STPG2: variants seen among roughly 807,000 people sequenced by gnomAD.
The protein encoded by STPG2 is sperm tail PG-rich repeat containing 2.
A neutral mutation model predicts 54.2 loss-of-function variants in STPG2; 56 were observed. The observed-to-expected ratio is 1.03, with a 90% confidence interval of 0.83 to 1.29. STPG2 has a LOEUF of 1.29. Among genes scored for constraint, STPG2 ranks in the 50% most tolerant of loss-of-function variants. STPG2 has a pLI of 0.00. For missense variants in STPG2, 596 were observed against 544.9 expected, an observed-to-expected ratio of 1.09 and a Z score of -0.93; for synonymous variants, 200 against 181.8, an observed-to-expected ratio of 1.10 and a Z score of -0.81.
intron 10 of STPG2, among the ~76,000 whole-genome samples, chr4:97,582,011 A>T (rs1170297857): frequency 1.3e-5 from 2 of 151,924 alleles, no homozygotes; most frequent in African/African-American, 4.8e-5. Context: ...ATTTGGTCTT[A>T]TTATTTTATA....
chr4:97,463,770 A>T (rs1241616580), intron 4 of STPG2, among the ~76,000 whole-genome samples: 2 of 152,126 alleles, frequency 1.3e-5, no homozygotes, highest in Non-Finnish European at 2.9e-5. Flanking sequence ...TTATTATCTT[A>T]CATTAGTATA....
intron 3 of STPG2, among the ~76,000 whole-genome samples, chr4:98,123,365 C>G (rs147787469): frequency 6.6e-6 from 1 of 152,302 alleles, no homozygotes; most frequent in East Asian, 1.9e-4. Flanking sequence ...TTAGCTGCAT[C>G]TCAGAGATTC....
chr4:97,936,411 C>T (rs1018274987), intron 8 of STPG2, among the ~76,000 whole-genome samples: 1 of 152,266 alleles, frequency 6.6e-6, no homozygotes, highest in South Asian at 2.1e-4. Context: ...TAAATTCGAT[C>T]CTGTCATCAT....
rs112231943 is a variant in STPG2, at chr4:97,935,380, T to C, written c.1044+8517A>G. Among the ~76,000 whole-genome samples the C allele has an allele frequency of 5.7e-3, 862 of 152,314 alleles. 5 individuals carry two copies. Among genetic ancestry groups the C allele is most frequent in the Middle Eastern group, 0.02 (6 of 294 alleles). On this transcript the variant is annotated intron_variant, in intron 8 of 10. Transcript: ENST00000295268. ...AATAATTTTTCGCATCTCCATCTCC[T>C]TCAGTTCCAATCTGATCTTAGTTAT...
intron 8 of STPG2, among the ~76,000 whole-genome samples, chr4:97,863,644 A>G (rs915598824): frequency 6.6e-6 from 1 of 152,170 alleles, no homozygotes; most frequent in African/African-American, 2.4e-5. Flanking sequence ...AGACACAACA[A>G]AAAAAGAGAA....
chr4:97,776,445 C>T (rs935200019), intron 9 of STPG2, among the ~76,000 whole-genome samples: 2 of 152,234 alleles, frequency 1.3e-5, no homozygotes, highest in South Asian at 2.1e-4. Context: ...TTCATTGTCT[C>T]CTTTAACTTA....
At chr4:98,054,211 A>C (rs1056416439) in intron 5 of STPG2, among the ~76,000 whole-genome samples, 1 of 152,108 alleles carries the variant, frequency 6.6e-6, no homozygotes, top group Non-Finnish European at 1.5e-5. Context: ...CTTTCATGCA[A>C]AACAGCTGGT....
intron 4 of STPG2, among the ~76,000 whole-genome samples, chr4:97,551,093 G>A (rs995551050): frequency 1.3e-5 from 2 of 151,628 alleles, no homozygotes; most frequent in Non-Finnish European, 2.9e-5. Flanking sequence ...CCTGCTGATT[G>A]GTCCATTTTA....
intron 4 of STPG2, among the ~76,000 whole-genome samples, chr4:97,502,239 T>C (rs1008963208): frequency 1.3e-5 from 2 of 151,874 alleles, no homozygotes; most frequent in Non-Finnish European, 2.9e-5. Context: ...TAACAGAATA[T>C]TCAGAAATAA....
intron 4 of STPG2, among the ~76,000 whole-genome samples, chr4:97,459,496 GTGGCGTGATC>G (rs970700093): frequency 6.8e-6 from 1 of 146,418 alleles, no homozygotes; most frequent in African/African-American, 2.6e-5. Flanking sequence ...CTGGAGTGCA[GTGGCGTGATC>G]TCGGCTCACT....
intron 8 of STPG2, among the ~76,000 whole-genome samples, chr4:97,898,026 T>C (rs1731027482): frequency 6.6e-6 from 1 of 152,174 alleles, no homozygotes; most frequent in Non-Finnish European, 1.5e-5. Flanking sequence ...CAAGGTTTTT[T>C]ATAGTCTTGG....
Position 98,143,318 on chromosome 4 carries a change from T to C in STPG2, c.-168A>G. 3.4e-6 allele frequency: 2 copies of C among 589,526 alleles called. No homozygotes were observed. The highest frequency in any genetic ancestry group is 2.0e-5 in the South Asian group (1 of 48,928). The allele number at this position is 589,526 out of a possible 1,614,324, so 36.5% of individuals were successfully genotyped here. On this transcript the variant is annotated 5_prime_UTR_variant, in exon 1 of 11. It removes an upstream start codon present in the reference 5' UTR. Transcript: ENST00000295268. ...GTGGGGTTGTCTCCCCGCCCGCTCA[T>C]TGATACCAGATTTCCTCAAATCGAT...
chr4:98,047,302 T>C (rs960866010), intron 5 of STPG2, among the ~76,000 whole-genome samples: 2 of 152,150 alleles, frequency 1.3e-5, no homozygotes, highest in African/African-American at 4.8e-5. Context: ...ATTTTATCAC[T>C]GAAGCAGGAC....
At chr4:97,886,848 T>G (rs908727899) in intron 8 of STPG2, among the ~76,000 whole-genome samples, 1 of 152,192 alleles carries the variant, frequency 6.6e-6, no homozygotes, top group African/African-American at 2.4e-5. Flanking sequence ...GTGAACGCTT[T>G]AGCGCCATCC....
intron 7 of STPG2, among the ~76,000 whole-genome samples, chr4:97,945,443 T>G (rs1204238325): frequency 6.6e-6 from 1 of 152,118 alleles, no homozygotes; most frequent in Admixed American, 6.6e-5. Context: ...ACCACATTTT[T>G]TCTATCCACT....
chr4:97,599,028 A>G (rs1733382498), intron 10 of STPG2, among the ~76,000 whole-genome samples: 1 of 152,214 alleles, frequency 6.6e-6, no homozygotes, highest in African/African-American at 2.4e-5. Context: ...ACAAAGGTCT[A>G]ATATCCAGCA....
At chr4:98,068,902 A>G (rs193027759) in intron 5 of STPG2, among the ~76,000 whole-genome samples, 1 of 152,184 alleles carries the variant, frequency 6.6e-6, no homozygotes, top group East Asian at 1.9e-4. Flanking sequence ...ATCTGAACAT[A>G]CCTAAACATA....
chr4:97,906,893 A>C (rs986329053), intron 8 of STPG2, among the ~76,000 whole-genome samples: 6 of 152,222 alleles, frequency 3.9e-5, no homozygotes, highest in African/African-American at 1.4e-4. Context: ...ATCTATGACA[A>C]ACCCACAGCC....
chr4:97,834,303 A>T (rs1202266634), intron 9 of STPG2, among the ~76,000 whole-genome samples: 1 of 152,160 alleles, frequency 6.6e-6, no homozygotes, highest in Admixed American at 6.6e-5. Context: ...GTAGGAGGTG[A>T]ACAATGAGAA....
Sources: allele counts gnomAD v4.1 joint callset (sites outside exome capture counted in the v4.1 genomes callset), GRCh38; gene constraint gnomAD v4.1.1; transcripts MANE v1.5; gene names NCBI Gene and HGNC (gene_info 2026-07-23, HGNC 2026-07-21).